Variants in PTPRG observed in about 807,000 individuals in gnomAD.
The protein encoded by PTPRG is protein tyrosine phosphatase receptor type G.
In PTPRG, 102 loss-of-function variants were observed where a neutral mutation model predicts 165.3. The observed-to-expected ratio is 0.62, with a 90% CI of 0.53 to 0.73. PTPRG has a LOEUF of 0.73. Among genes scored for constraint, PTPRG ranks in the 30% least tolerant of loss-of-function variants. The probability of loss-of-function intolerance (pLI) is 0.00; values close to 1 mark genes in which losing one functional copy is unlikely to be tolerated. For missense variants in PTPRG, 1,866 were observed against 1,861.4 expected, an observed-to-expected ratio of 1.00 and a Z score of -0.05; for synonymous variants, 675 against 669.5, an observed-to-expected ratio of 1.01 and a Z score of -0.13.
intron 6 of PTPRG, among the ~76,000 whole-genome samples, chr3:62,141,872 G>T (rs1388273757): frequency 1.3e-5 from 2 of 151,820 alleles, no homozygotes; most frequent in Non-Finnish European, 2.9e-5. Context: ...CTGCACTCCA[G>T]CCTGGGTGAC....
intron 1 of PTPRG, among the ~76,000 whole-genome samples, chr3:61,676,482 A>G: frequency 6.9e-6 from 1 of 145,434 alleles, no homozygotes; most frequent in South Asian, 2.2e-4. Context: ...AAAGAAAATT[A>G]CTAAAGTCTG....
intron 19 of PTPRG, 127 bp from the exon 20 acceptor site, chr3:62,268,908 G>C (rs764043310): frequency 1.7e-4 from 177 of 1,057,276 alleles, no homozygotes; most frequent in Non-Finnish European, 2.1e-4. Context: ...TTAAACTCAC[G>C]TATTCCTTTT....
intron 4 of PTPRG, among the ~76,000 whole-genome samples, chr3:62,058,323 G>A (rs79487062): frequency 4.6e-5 from 7 of 152,024 alleles, no homozygotes; most frequent in Non-Finnish European, 7.4e-5. Flanking sequence ...ATTTGGATAT[G>A]CACTTATTTA....
rs1190841325 is a variant in PTPRG, at chr3:62,273,844, G to A, written c.3465G>A (p.Lys1155=). ...AGACACGACTGGAAAAGCAATTCAA[G>A]GTAGTGCTTTGAAAAAGTTTCTTTG... is the stretch of plus-strand genomic sequence containing the variant. The part of the protein sequence containing the change: ...GGKTRLEKQF[K]LVTQCNAKYV... Residue 1155 remains lysine (K), a splice_region_variant and synonymous_variant, in exon 23 of 30, where the codon AAG becomes AAA. Transcript: ENST00000474889. The surrounding 1 kb of genome is among the most constrained non-coding windows in gnomAD (Gnocchi z 4.1). The A allele has an allele frequency of 6.2e-7, 1 of 1,612,146 alleles. No homozygotes were observed. The highest frequency in any genetic ancestry group is 1.1e-5 in the South Asian group (1 of 90,962).
intron 1 of PTPRG, among the ~76,000 whole-genome samples, chr3:61,709,345 C>T (rs563477546): frequency 2.6e-5 from 4 of 151,962 alleles, no homozygotes; most frequent in South Asian, 2.1e-4. Flanking sequence ...AATGGGGTCT[C>T]GCTCTGTCAC....
intron 10 of PTPRG, among the ~76,000 whole-genome samples, chr3:62,200,290 G>T (rs1299720429): frequency 6.6e-6 from 1 of 150,588 alleles, no homozygotes; most frequent in Non-Finnish European, 1.5e-5. Flanking sequence ...TATTTTTTTT[G>T]AGACAAAGTC....
intron 2 of PTPRG, among the ~76,000 whole-genome samples, chr3:61,900,899 C>G (rs544753485): frequency 2.0e-5 from 3 of 152,290 alleles, no homozygotes; most frequent in African/African-American, 7.2e-5. Context: ...GGGATCTAAC[C>G]TCACGAAGCC....
chr3:61,711,319 T>C (rs940088752), intron 1 of PTPRG, among the ~76,000 whole-genome samples: 1 of 152,256 alleles, frequency 6.6e-6, no homozygotes, highest in African/African-American at 2.4e-5. Flanking sequence ...ATGGTATTTC[T>C]GGTTCTAGAT....
At chr3:61,579,490 C>T (rs186856007) in intron 1 of PTPRG, among the ~76,000 whole-genome samples, 1 of 152,340 alleles carries the variant, frequency 6.6e-6, no homozygotes, top group East Asian at 1.9e-4. Context: ...AATAAAATAA[C>T]TTCATCTTAG....
intron 2 of PTPRG, among the ~76,000 whole-genome samples, chr3:61,906,944 A>G (rs889401598): frequency 6.6e-6 from 1 of 152,174 alleles, no homozygotes. Context: ...TTTTCTTTTC[A>G]GGAAAGAGCG....
rs569968268 is a variant in PTPRG at position 61,588,511 on chromosome 3, T to C, written c.85+26139T>C. Among the ~76,000 whole-genome samples, 7 of 148,470 alleles carry C rather than the reference T, an allele frequency of 4.7e-5. No individual in the cohort carries two copies. The East Asian group carries it at 7.8e-4, about 16-fold the overall frequency. Reference sequence around the variant, plus strand: ...CTCAGCCTCTGGAGCAGTGATGTGATGTTGGCTCACTGCAACCTCCACCTC... The same window carrying C: ...CTCAGCCTCTGGAGCAGTGATGTGACGTTGGCTCACTGCAACCTCCACCTC... On this transcript the variant is annotated intron_variant, in intron 1 of 29. Transcript: ENST00000474889.
At chr3:61,885,667 CT>C (rs377088660) in intron 2 of PTPRG, among the ~76,000 whole-genome samples, 29 of 41,534 alleles carry the variant, frequency 7.0e-4, no homozygotes, top group East Asian at 1.4e-3. Flanking sequence ...CTCTCCTCTC[CT>C]CTCCTCTCCT....
At chr3:61,875,376 G>A (rs1427191649) in intron 2 of PTPRG, among the ~76,000 whole-genome samples, 1 of 136,362 alleles carries the variant, frequency 7.3e-6, no homozygotes, top group Non-Finnish European at 1.5e-5. Flanking sequence ...AAGGCAAAAC[G>A]TTTTGAGAGA....
chr3:61,865,038 C>T (rs1488021993), intron 2 of PTPRG, among the ~76,000 whole-genome samples: 1 of 152,132 alleles, frequency 6.6e-6, no homozygotes, highest in Non-Finnish European at 1.5e-5. Flanking sequence ...TGTTCCTAGG[C>T]TGCATGTTCA....
chr3:62,017,797 C>A (rs1689737078), intron 4 of PTPRG, among the ~76,000 whole-genome samples: 1 of 152,152 alleles, frequency 6.6e-6, no homozygotes, highest in South Asian at 2.1e-4. Context: ...ATCCACATAT[C>A]AAGACAGATT....
At chr3:62,243,113 G>A (rs1052152590) in intron 14 of PTPRG, among the ~76,000 whole-genome samples, 2 of 152,094 alleles carry the variant, frequency 1.3e-5, no homozygotes, top group Admixed American at 6.6e-5. Flanking sequence ...CGGAGGCAGA[G>A]GCTGAGTGAG....
chr3:61,956,315 C>T lies in PTPRG; in HGVS notation c.191-33310C>T, dbSNP rs1433251876. ...TCTCTCACACACACACACACGCTTACTACATATTCATACATTTATTCTACA... is the reference window on the plus strand; with the variant it reads ...TCTCTCACACACACACACACGCTTATTACATATTCATACATTTATTCTACA... On this transcript the variant is annotated intron_variant, in intron 2 of 29. Transcript: ENST00000474889. Among the ~76,000 whole-genome samples the T allele has an allele frequency of 4.0e-5, 6 of 151,794 alleles. No homozygotes were observed. The East Asian group carries it at 1.2e-3, about 29-fold the overall frequency.
chr3:61,693,776 T>A (rs2030374118), intron 1 of PTPRG, among the ~76,000 whole-genome samples: 1 of 151,900 alleles, frequency 6.6e-6, no homozygotes, highest in South Asian at 2.1e-4. Flanking sequence ...GAGGCTGAGG[T>A]GGGCAGATTG....
Position 62,255,552 on chromosome 3 carries a change from T to A in PTPRG, c.2559+337T>A, listed in dbSNP as rs543219956. ...TAACACAAGGCTCCCTAATTCCATG[T>A]CTTTTCTGCAATGCACATGGTATAG... is the stretch of plus-strand genomic sequence containing the variant. On this transcript the variant is annotated intron_variant, in intron 16 of 29. Transcript: ENST00000474889. This position sits in a 1 kb window ranked among gnomAD's most constrained non-coding sequence, Gnocchi z 4.0. Among the ~76,000 whole-genome samples the A allele has an allele frequency of 2.0e-5, 3 of 152,258 alleles. No individual in the cohort carries two copies. The East Asian group carries it at 5.8e-4, about 30-fold the overall frequency.
Sources: gnomAD v4.1 joint callset for allele counts (sites outside exome capture counted in the v4.1 genomes callset) on GRCh38, gnomAD v4.1.1 for gene constraint, Gnocchi (gnomAD v3.1) non-coding constraint, MANE v1.5 for transcripts, NCBI Gene and HGNC (gene_info 2026-07-23, HGNC 2026-07-21) for gene names.